The following RYR1 variants were observed in gnomAD, a reference collection of about 807,000 sequenced individuals.
RYR1 encodes ryanodine receptor 1, also known as central core disease of muscle.
Under a neutral mutation model 583.5 loss-of-function variants are expected in RYR1, and 342 were observed. The ratio of observed to expected loss-of-function variants is 0.59; its 90% confidence interval spans 0.54 to 0.64. RYR1 has a LOEUF of 0.64. RYR1 is among the 30% of genes least tolerant of loss of function. The pLI is 0.00. For missense variants in RYR1, 6,032 were observed against 6,917.2 expected, an observed-to-expected ratio of 0.87 and a Z score of 4.54; for synonymous variants, 2,791 against 2,822.5, an observed-to-expected ratio of 0.99 and a Z score of 0.35.
chr19:38,586,639 C>A, intron 105 of RYR1, 63 bp downstream of exon 105: 3 of 1,441,784 alleles, frequency 2.1e-6, no homozygotes, highest in South Asian at 1.1e-5. Context: ...TAAGGCCAGT[C>A]AGTAGGTGGC....
chr19:38,520,693 CAAAAAAAAAAAAA>C (rs71165555), intron 67 of RYR1, among the ~76,000 whole-genome samples: 6,696 of 46,896 alleles, frequency 0.14, 684 homozygotes, highest in African/African-American at 0.34. Flanking sequence ...GGCTCCACCT[CAAAAAAAAAAAAA>C]AAAAAAAAAA....
rs577113409 is a variant in RYR1, at chr19:38,437,915, A to G, written c.46-2830A>G. 2.0e-5 allele frequency among the ~76,000 whole-genome samples: 3 copies of G among 151,356 alleles called. No homozygotes were observed. The East Asian group carries it at 5.8e-4, about 29-fold the overall frequency. On this transcript the variant is annotated intron_variant, in intron 1 of 105. Coordinates refer to ENST00000359596, the MANE Select transcript of RYR1 (RefSeq NM_000540.3). ...AATGGAGAGGATCACTCAGCCTAGGAGTCCAAGGCTGCAGTGAGCTATGAT... is the reference window on the plus strand; with the variant it reads ...AATGGAGAGGATCACTCAGCCTAGGGGTCCAAGGCTGCAGTGAGCTATGAT...
rs1972950346 is a variant in RYR1, at chr19:38,446,516, A to G, written c.676A>G (p.Met226Val). The G allele has an allele frequency of 2.5e-6, 4 of 1,614,128 alleles. No homozygotes were observed. The highest frequency in any genetic ancestry group is 3.3e-5 in the Admixed American group (2 of 60,014). ...CGTCCTCCGCCTCTTTCATGGACATATGGATGAGTGTCTGACCATTTCCCC... is the reference window on the plus strand; with the variant it reads ...CGTCCTCCGCCTCTTTCATGGACATGTGGATGAGTGTCTGACCATTTCCCC... ...GHVLRLFHGH[M>V]DECLTISPAD... The change falls in exon 8 of 106, where the codon ATG becomes GTG. Residue 226 changes from methionine to valine, a missense_variant. Around this residue, in one of 11 missense-constraint regions of RYR1, gnomAD observed 338 missense variants for 441.6 expected, o/e 0.77. Transcript: ENST00000359596.
intron 63 of RYR1, among the ~76,000 whole-genome samples, chr19:38,514,512 C>G (rs1471486707): frequency 6.6e-6 from 1 of 151,624 alleles, no homozygotes; most frequent in African/African-American, 2.4e-5. Flanking sequence ...AACTCCTGAC[C>G]TCAGGTGATC....
chr19:38,559,228 C>CTTTT (rs34239565), intron 89 of RYR1, among the ~76,000 whole-genome samples: 22 of 101,290 alleles, frequency 2.2e-4, no homozygotes, highest in Non-Finnish European at 3.3e-4. Flanking sequence ...AGGTGGGCTT[C>CTTTT]TTTTTTTTTT....
chr19:38,571,783 A>G (rs1973726661), intron 94 of RYR1, among the ~76,000 whole-genome samples: 1 of 152,216 alleles, frequency 6.6e-6, no homozygotes, highest in South Asian at 2.1e-4. Flanking sequence ...GGGCTCCACT[A>G]TCAAGATGAA....
intron 100 of RYR1, 88 bp from the exon 101 acceptor site, chr19:38,580,282 G>A: frequency 6.3e-7 from 1 of 1,589,370 alleles, no homozygotes; most frequent in Non-Finnish European, 8.6e-7. Context: ...GAGCCACAGG[G>A]ACTGAACCGG....
At chr19:38,445,943 C>T (rs973330662) in intron 7 of RYR1, among the ~76,000 whole-genome samples, 1 of 152,078 alleles carries the variant, frequency 6.6e-6, no homozygotes, top group Non-Finnish European at 1.5e-5. Context: ...GCCAAGATTG[C>T]ACCACTGCAC....
At position 38,528,573 on chromosome 19, in the gene RYR1, A is replaced by G; in HGVS notation, c.10938-26A>G. 2.5e-6 allele frequency: 4 copies of G among 1,612,934 alleles called. No homozygotes were observed. In the South Asian group the frequency reaches 4.4e-5, roughly 18 times the overall value. The stretch of plus-strand genomic sequence containing the variant: ...GGAAGCACGGAGGAGGGCGCGTCCC[A>G]GTGACGTCACACCTCTCCCCTGCAG... On this transcript the variant is annotated intron_variant, in intron 74 of 105. Coordinates refer to ENST00000359596, the MANE Select transcript of RYR1 (RefSeq NM_000540.3).
At chr19:38,497,711 C>T (rs1027077979) in intron 42 of RYR1, among the ~76,000 whole-genome samples, 2 of 152,186 alleles carry the variant, frequency 1.3e-5, no homozygotes, top group African/African-American at 2.4e-5. Context: ...AAGTGGCTTA[C>T]ATCTATAATC....
At chr19:38,569,116 T>C (rs1973590607) in intron 93 of RYR1, among the ~76,000 whole-genome samples, 1 of 152,018 alleles carries the variant, frequency 6.6e-6, no homozygotes, top group Non-Finnish European at 1.5e-5. Context: ...GTTCACGCCA[T>C]TCTCCTGCCT....
At chr19:38,495,637 C>A (rs71356808) in intron 39 of RYR1, among the ~76,000 whole-genome samples, 4,369 of 152,164 alleles carry the variant, frequency 0.029, 89 homozygotes, top group East Asian at 0.038. Context: ...CAAAAGCCAC[C>A]ATGCTGGGAC....
intron 11 of RYR1, among the ~76,000 whole-genome samples, chr19:38,450,273 G>A (rs959968868): frequency 6.6e-6 from 1 of 152,190 alleles, no homozygotes; most frequent in Non-Finnish European, 1.5e-5. Context: ...TTCTGGTGGG[G>A]TCCTGAGGGT....
At position 38,485,902 on chromosome 19, in the gene RYR1, T is replaced by C. The variant is rs1312984106; in HGVS notation, c.5247T>C (p.Pro1749=). Residue 1749 remains proline, a synonymous_variant, in exon 34 of 106, where the codon CCT becomes CCC. Transcript: ENST00000359596. The part of the protein sequence containing the change: ...PETRAITLFP[P]GRSTENGHPR... Reference sequence around the variant, plus strand: ...CCCGCGCCATCACGCTCTTCCCTCCTGGAAGGAGCACAGAAAATGGTCACC... The same window carrying C: ...CCCGCGCCATCACGCTCTTCCCTCCCGGAAGGAGCACAGAAAATGGTCACC... 7 of 1,613,588 alleles carry C rather than the reference T, an allele frequency of 4.3e-6. No homozygotes were observed. Among genetic ancestry groups the C allele is most frequent in the Non-Finnish European group, 5.1e-6 (6 of 1,179,936 alleles).
chr19:38,583,234 T>C (rs1352328136), intron 101 of RYR1, among the ~76,000 whole-genome samples: 1 of 149,420 alleles, frequency 6.7e-6, no homozygotes, highest in Non-Finnish European at 1.5e-5. Context: ...GAGGCGGAGG[T>C]TGCAGTGAGC....
intron 34 of RYR1, among the ~76,000 whole-genome samples, chr19:38,486,611 G>A (rs1231345376): frequency 1.3e-5 from 2 of 152,038 alleles, no homozygotes; most frequent in South Asian, 2.1e-4. Context: ...AAAGTGCTGG[G>A]ATTACAGGCG....
chr19:38,535,804 C>T (rs73933016), intron 81 of RYR1, 193 bp from the exon 82 acceptor site: 272 of 666,220 alleles, frequency 4.1e-4, no homozygotes, highest in African/African-American at 4.0e-3. Context: ...TTTCAGCTTG[C>T]GCATGGTTCA....
At chr19:38,477,195 T>C (rs903362093) in intron 29 of RYR1, among the ~76,000 whole-genome samples, 7 of 152,122 alleles carry the variant, frequency 4.6e-5, no homozygotes, top group Non-Finnish European at 1.0e-4. Flanking sequence ...CAGGCTGGAG[T>C]GCAGTGGCAC....
In RYR1 at chr19:38,458,269, T is replaced by C; in HGVS notation, c.2144T>C (p.Phe715Ser). The part of the protein sequence containing the change: ...GVGDDLYSYG[F>S]DGLHLWTGHV... ...GGCGATGACCTCTATTCCTACGGCT[T>C]TGATGGACTGCATCTCTGGACAGGT... The change falls in exon 18 of 106, where the codon TTT becomes TCT. Residue 715 changes from phenylalanine (F) to serine (S), a missense_variant. Transcript: ENST00000359596. The C allele has an allele frequency of 6.2e-7, 1 of 1,614,004 alleles. No homozygotes were observed. Among genetic ancestry groups the C allele is most frequent in the Non-Finnish European group, 8.5e-7 (1 of 1,179,998 alleles).
Sources: allele counts gnomAD v4.1 joint callset (sites outside exome capture counted in the v4.1 genomes callset), GRCh38; gene constraint gnomAD v4.1.1; regional missense constraint gnomAD v4.1.1; transcripts MANE v1.5; gene names NCBI Gene and HGNC (gene_info 2026-07-23, HGNC 2026-07-21).